The following JAG2 variants were observed in gnomAD, a reference collection of about 807,000 sequenced individuals.
The protein encoded by JAG2 is jagged canonical Notch ligand 2.
JAG2 carries 46 observed loss-of-function variants against 141.7 expected under a neutral mutation model. The ratio of observed to expected loss-of-function variants is 0.32; its 90% CI spans 0.26 to 0.42. JAG2 has a LOEUF of 0.42. JAG2 is among the 10% of genes least tolerant of loss of function. The pLI, the probability that JAG2 is intolerant of heterozygous loss-of-function variation, is 1.00. For synonymous variants in JAG2, 862 were observed against 763.5 expected, an observed-to-expected ratio of 1.13 and a Z score of -2.13; for missense variants, 1,500 against 1,817.5, an observed-to-expected ratio of 0.83 and a Z score of 3.18.
Position 105,167,750 on chromosome 14 carries a change from C to T in JAG2, c.417+7G>A. On this transcript the variant is annotated splice_region_variant and intron_variant, in intron 2 of 25. Coordinates refer to ENST00000331782, the MANE Select transcript of JAG2 (RefSeq NM_002226.5). The surrounding 1 kb of genome is among the most constrained non-coding windows in gnomAD (Gnocchi z 4.8). ...GGGCTGGAGCACGAGGGATGGAGCG[C>T]ACGTACCGGCCAGGCGAACTGGAAG... The T allele has an allele frequency of 6.9e-7, 1 of 1,454,892 alleles. No homozygotes were observed. Among genetic ancestry groups the T allele is most frequent in the Non-Finnish European group, 9.0e-7 (1 of 1,105,494 alleles). The allele number at this position is 1,454,892 out of a possible 1,614,324, so 90.1% of individuals were successfully genotyped here.
Position 105,151,989 on chromosome 14 carries a change from G to C in JAG2, c.988C>G (p.Gln330Glu). Residue 330 changes from glutamine (Q) to glutamate (E), a missense_variant, in exon 7 of 26, where the codon CAG becomes GAG. Physicochemically the swap from Gln to Glu is conservative, Grantham distance 29 (BLOSUM62 2). Coordinates refer to ENST00000331782, the MANE Select transcript of JAG2 (RefSeq NM_002226.5). ...CCGTCAGGGCAGGTGCAGCGGTACT[G>C]GTCAGGCTCGGCGTTGATGCACGTG... ...GGTCINAEPDQYRCTCPDGYS... is the reference protein window; with the variant it reads ...GGTCINAEPDEYRCTCPDGYS... 1 of 1,613,368 alleles carries C rather than the reference G, an allele frequency of 6.2e-7. No individual in the cohort carries two copies. The highest frequency in any genetic ancestry group is 8.5e-7 in the Non-Finnish European group (1 of 1,180,006).
At position 105,145,719 on chromosome 14, in the gene JAG2, C is replaced by T. The variant is rs925027544; in HGVS notation, c.2952+12G>A. On this transcript the variant is annotated intron_variant, in intron 23 of 25. Transcript: ENST00000331782. ...TGGCCTCTGCAAGCTCAGATGCCAC[C>T]AGGCCCCTCACCTGGGGCACGTGGT... 9 of 1,587,592 alleles carry T rather than the reference C, an allele frequency of 5.7e-6. No homozygotes were observed. Among genetic ancestry groups the T allele is most frequent in the African/African-American group, 2.7e-5 (2 of 74,220 alleles).
rs780729206 is a variant in JAG2 at position 105,145,941 on chromosome 14, G to A, written c.2742C>T (p.Ala914=). Residue 914 remains alanine (A), a synonymous_variant, in exon 23 of 26, where the codon GCC becomes GCT. Coordinates refer to ENST00000331782, the MANE Select transcript of JAG2 (RefSeq NM_002226.5). ...GGGCGCTCAGGGCCTCGGGCTGGCC[G>A]GCCAGCAGACAAGGCTTCCATCCGC... ...VWCGWKPCLL[A]GQPEALSAQC... The A allele has an allele frequency of 2.1e-5, 34 of 1,585,512 alleles. No homozygotes were observed. The highest frequency in any genetic ancestry group is 4.6e-5 in the East Asian group (2 of 43,286).
At position 105,142,837 on chromosome 14, in the gene JAG2, T is replaced by G; in HGVS notation, c.3575A>C (p.Glu1192Ala). The part of the protein sequence containing the change: ...DLGRGEEDSL[E>A]AEKFLSHKFT... ...TTTGTGTGAGAGGAACTTCTCCGCC[T>G]CCAGGGAGTCCTCCTCACCGCGGCC... Residue 1192 changes from glutamate to alanine, a missense_variant, in exon 26 of 26, where the codon GAG becomes GCG. Around this residue, in one of 3 missense-constraint regions of JAG2, gnomAD observed 425 missense variants for 441.0 expected, o/e 0.96. Coordinates refer to ENST00000331782, the MANE Select transcript of JAG2 (RefSeq NM_002226.5). 1 of 1,610,158 alleles carries G rather than the reference T, an allele frequency of 6.2e-7. No homozygotes were observed. The highest frequency in any genetic ancestry group is 8.5e-7 in the Non-Finnish European group (1 of 1,178,686).
At chr14:105,159,152 G>A (rs1439116103) in intron 2 of JAG2, among the ~76,000 whole-genome samples, 11 of 131,344 alleles carry the variant, frequency 8.4e-5, no homozygotes, top group African/African-American at 2.9e-4. Context: ...CCACACCTCC[G>A]ACTGTCCCTC....
chr14:105,151,493 A>G, intron 8 of JAG2, 97 bp from the exon 9 acceptor site: 1 of 1,380,636 alleles, frequency 7.2e-7, no homozygotes, highest in South Asian at 1.2e-5. Flanking sequence ...TCTTCCTGCC[A>G]TTTGTCCTCG....
chr14:105,166,126 G>C (rs1045094300), intron 2 of JAG2, among the ~76,000 whole-genome samples: 1 of 152,242 alleles, frequency 6.6e-6, no homozygotes, highest in African/African-American at 2.4e-5. Flanking sequence ...CTGGAAGCAA[G>C]AGGCAGGGAG....
intron 23 of JAG2, among the ~76,000 whole-genome samples, chr14:105,145,353 C>A (rs1292472564): frequency 6.6e-6 from 1 of 152,170 alleles, no homozygotes; most frequent in African/African-American, 2.4e-5. Flanking sequence ...CAGTTCTGAG[C>A]CCCTCCTGGG....
At chr14:105,150,072 G>A (rs1334480775) in intron 12 of JAG2, among the ~76,000 whole-genome samples, 2 of 104,468 alleles carry the variant, frequency 1.9e-5, no homozygotes, top group East Asian at 6.3e-4. Flanking sequence ...GGGGAAGGGG[G>A]TGGTAGGGGT....
Position 105,157,733 on chromosome 14 carries a change from C to A in JAG2, c.448G>T (p.Asp150Tyr). Reference protein sequence around the residue: ...RSFTLIVEAWDWDNDTTPNEE... With the variant: ...RSFTLIVEAWYWDNDTTPNEE... ...TTCGGGGTGGTATCGTTGTCCCAGT[C>A]CCAGGCCTCCACGATGAGGGTAAAG... Residue 150 changes from aspartate to tyrosine, a missense_variant, in exon 3 of 26, where the codon GAC becomes TAC. Physicochemically the swap from Asp to Tyr is radical, Grantham distance 160. Around this residue, in one of 3 missense-constraint regions of JAG2, gnomAD observed 875 missense variants for 1,202.2 expected, o/e 0.73. Coordinates refer to ENST00000331782, the MANE Select transcript of JAG2 (RefSeq NM_002226.5). 1 of 1,575,116 alleles carries A rather than the reference C, an allele frequency of 6.3e-7. No homozygotes were observed. The highest frequency in any genetic ancestry group is 1.2e-5 in the South Asian group (1 of 85,570).
rs1182903017 is a variant in JAG2 at position 105,151,691 on chromosome 14, T to C, written c.1088A>G (p.His363Arg). 1 of 1,611,536 alleles carries C rather than the reference T, an allele frequency of 6.2e-7. No homozygotes were observed. Among genetic ancestry groups the C allele is most frequent in the Non-Finnish European group, 8.5e-7 (1 of 1,179,486 alleles). The change falls in exon 8 of 26, where the codon CAT becomes CGT. Residue 363 changes from histidine to arginine, a missense_variant. By Grantham distance (29) the His-to-Arg change is conservative. This residue lies in a region of JAG2 where 875 missense variants were observed against 1,202.2 expected (regional missense o/e 0.73). Coordinates refer to ENST00000331782, the MANE Select transcript of JAG2 (RefSeq NM_002226.5). ...SNPCANGGSCHEVPSGFECHC... is the reference protein window; with the variant it reads ...SNPCANGGSCREVPSGFECHC... ...GCATTCGAAGCCGGACGGCACCTCA[T>C]GGCAAGAGCCCCCGTTGGCACACGG...
Position 105,149,327 on chromosome 14 carries a change from G to A in JAG2, c.1603-7C>T, listed in dbSNP as rs181385226. 9.2e-4 allele frequency: 1,483 copies of A among 1,612,576 alleles called. 1 individual carries two copies. The highest frequency in any genetic ancestry group is 1.0e-3 in the Non-Finnish European group (1,196 of 1,179,952). On this transcript the variant is annotated splice_region_variant and splice_polypyrimidine_tract_variant and intron_variant, in intron 12 of 25. Transcript: ENST00000331782. ...CACAAAGGTCGACATCCACCTGCAG[G>A]GTGGGGGGTGCCTGTGAGAGCCTAG... is the stretch of plus-strand genomic sequence containing the variant.
chr14:105,168,219 G>T, intron 1 of JAG2, 112 bp from the exon 2 acceptor site: 2 of 642,994 alleles, frequency 3.1e-6, no homozygotes, highest in Non-Finnish European at 3.8e-6. Context: ...AGCCGCGCCC[G>T]CCCGGAGCCC....
chr14:105,152,978 G>A (rs1888481389), intron 5 of JAG2, among the ~76,000 whole-genome samples: 1 of 152,118 alleles, frequency 6.6e-6, no homozygotes, highest in Non-Finnish European at 1.5e-5. Context: ...AGTCCCCCAG[G>A]AGAGGGCAGG....
In JAG2 at chr14:105,146,467, C is replaced by T. The variant is rs754173842; in HGVS notation, c.2627G>A (p.Gly876Asp). ...IGFGRSCWSR[G>D]TPFPHGSSWV... is the part of the protein sequence containing the mutation. ...GGAGCTTCCGTGTGGGAACGGAGTG[C>T]CCCGGGACCAGCAGGATCTCCCGAA... Residue 876 changes from glycine to aspartate, a missense_variant, in exon 22 of 26, where the codon GGC becomes GAC. Physicochemically the swap from Gly to Asp is moderately conservative, Grantham distance 94. This residue lies in a region of JAG2 where 875 missense variants were observed against 1,202.2 expected (regional missense o/e 0.73). Transcript: ENST00000331782. The T allele has an allele frequency of 7.4e-6, 12 of 1,612,664 alleles. No homozygotes were observed. The highest frequency in any genetic ancestry group is 1.0e-5 in the Non-Finnish European group (12 of 1,179,912).
At position 105,148,160 on chromosome 14, in the gene JAG2, C is replaced by A. The variant is rs587744246; in HGVS notation, c.2204G>T (p.Arg735Leu). Residue 735 changes from arginine (R) to leucine (L), a missense_variant, in exon 17 of 26, where the codon CGC becomes CTC. By Grantham distance (102) the Arg-to-Leu change is moderately radical. This residue lies in a region of JAG2 where 875 missense variants were observed against 1,202.2 expected (regional missense o/e 0.73). Transcript: ENST00000331782. ...CTTCCAGCCGGGGGGGCAGGCGCAG[C>A]GGAAGGTGTCGCCGCTGTCGTAGCA... ...GTCYDSGDTF[R>L]CACPPGWKGS... The A allele has an allele frequency of 4.5e-6, 7 of 1,550,768 alleles. No homozygotes were observed. The South Asian group carries it at 5.9e-5, about 13-fold the overall frequency.
At chr14:105,148,009 TG>T in intron 17 of JAG2, 106 bp downstream of exon 17, 1 of 1,081,378 alleles carries the variant, frequency 9.2e-7, no homozygotes, top group Non-Finnish European at 1.4e-6. Context: ...AGGGGGCAGG[TG>T]GCAGGTGTGG....
At chr14:105,151,519 C>T in intron 8 of JAG2, 107 bp downstream of exon 8, 1 of 1,336,526 alleles carries the variant, frequency 7.5e-7, no homozygotes, top group Non-Finnish European at 1.1e-6. Context: ...CCAGCCGCAG[C>T]CACACGTGTG....
At chr14:105,156,122 G>T in intron 3 of JAG2, 133 bp from the exon 4 acceptor site, 1 of 1,194,742 alleles carries the variant, frequency 8.4e-7, no homozygotes, top group Non-Finnish European at 1.2e-6. Context: ...GCACACGGAG[G>T]GCAGGGCCCC....
Sources: allele counts gnomAD v4.1 joint callset (sites outside exome capture counted in the v4.1 genomes callset), GRCh38; gene constraint gnomAD v4.1.1; regional missense constraint gnomAD v4.1.1; non-coding constraint Gnocchi (gnomAD v3.1); transcripts MANE v1.5; gene names NCBI Gene and HGNC (gene_info 2026-07-23, HGNC 2026-07-21).